Variants in LHFPL6 observed in about 807,000 individuals in gnomAD.
LHFPL6 encodes the protein LHFPL tetraspan subfamily member 6 protein.
A neutral mutation model predicts 20.6 loss-of-function variants in LHFPL6; 9 were observed. That is an observed-to-expected ratio of 0.44 (90% confidence interval 0.26 to 0.76). The LOEUF (loss-of-function observed/expected upper bound fraction) is 0.76, where lower values mean the gene tolerates loss of function less well. Among genes scored for constraint, LHFPL6 ranks in the 30% least tolerant of loss-of-function variants. The pLI is 0.20. For synonymous variants in LHFPL6, 105 were observed against 98.7 expected (o/e 1.06, Z -0.38); for missense variants, 218 against 253.5 (o/e 0.86, Z 0.95).
chr13:39,401,150 T>G (rs1870980346), intron 2 of LHFPL6, among the ~76,000 whole-genome samples: 1 of 152,206 alleles, frequency 6.6e-6, no homozygotes, highest in African/African-American at 2.4e-5. Context: ...AGTTCAACAA[T>G]TACATAACCC....
chr13:39,536,019 G>A (rs1391596563), intron 2 of LHFPL6, among the ~76,000 whole-genome samples: 1 of 152,122 alleles, frequency 6.6e-6, no homozygotes, highest in Non-Finnish European at 1.5e-5. Flanking sequence ...GGAAAAATGA[G>A]ACACACTAAC....
At chr13:39,430,188 C>G (rs939403869) in intron 2 of LHFPL6, among the ~76,000 whole-genome samples, 3 of 152,214 alleles carry the variant, frequency 2.0e-5, no homozygotes, top group Non-Finnish European at 4.4e-5. Context: ...TCATTACCCC[C>G]ACTGCTGAGA....
chr13:39,563,093 CACA>C, intron 2 of LHFPL6, among the ~76,000 whole-genome samples: 1 of 26,974 alleles, frequency 3.7e-5, no homozygotes, highest in Non-Finnish European at 6.1e-5. Context: ...ATACTAGAAA[CACA>C]CACACACACA....
intron 2 of LHFPL6, among the ~76,000 whole-genome samples, chr13:39,505,127 T>C (rs1927194): frequency 0.97 from 148,275 of 152,258 alleles, 72,311 homozygotes; most frequent in East Asian, 1. Context: ...TGGGAATTGA[T>C]GCAAACGCAA....
intron 2 of LHFPL6, among the ~76,000 whole-genome samples, chr13:39,544,742 A>C (rs764729119): frequency 6.6e-6 from 1 of 152,178 alleles, no homozygotes. Context: ...CTAAAATAGA[A>C]CTATCAATGG....
intron 3 of LHFPL6, among the ~76,000 whole-genome samples, chr13:39,347,098 A>C (rs1869425090): frequency 6.6e-6 from 1 of 151,764 alleles, no homozygotes; most frequent in Admixed American, 6.6e-5. Flanking sequence ...AAAAAAAAAA[A>C]AAAAGCCCCG....
chr13:39,480,574 GA>G (rs1052640493), intron 2 of LHFPL6, among the ~76,000 whole-genome samples: 2 of 152,126 alleles, frequency 1.3e-5, no homozygotes, highest in African/African-American at 4.8e-5. Context: ...AGGTCTTAGA[GA>G]AAATGCCATA....
At chr13:39,388,238 C>T (rs73453070) in intron 2 of LHFPL6, among the ~76,000 whole-genome samples, 14,579 of 152,166 alleles carry the variant, frequency 0.096, 738 homozygotes, top group African/African-American at 0.13. Context: ...CAAAATGGTG[C>T]CTTGATTCTC....
At chr13:39,428,445 G>A (rs1871700690) in intron 2 of LHFPL6, among the ~76,000 whole-genome samples, 1 of 152,070 alleles carries the variant, frequency 6.6e-6, no homozygotes, top group Non-Finnish European at 1.5e-5. Context: ...GTTTTTCAAG[G>A]AATTTTCCAC....
chr13:39,586,108 A>G (rs940617269), intron 2 of LHFPL6, among the ~76,000 whole-genome samples: 7 of 152,322 alleles, frequency 4.6e-5, no homozygotes, highest in Admixed American at 6.5e-5. Context: ...GGAAAAAAAG[A>G]AAACGCCAAA....
At chr13:39,479,044 TAGATAGATA>T (rs763726061) in intron 2 of LHFPL6, among the ~76,000 whole-genome samples, 9 of 148,284 alleles carry the variant, frequency 6.1e-5, no homozygotes, top group Non-Finnish European at 8.9e-5. Context: ...TATAGATAGA[TAGATAGATA>T]GATAGATAGA....
chr13:39,550,258 T>A (rs1418135022), intron 2 of LHFPL6, among the ~76,000 whole-genome samples: 1 of 151,968 alleles, frequency 6.6e-6, no homozygotes, highest in African/African-American at 2.4e-5. Flanking sequence ...TCAGAGCAGG[T>A]GGAAGGGTTG....
At chr13:39,600,749 T>C (rs1872910699) in intron 2 of LHFPL6, 83 bp downstream of exon 2, 2 of 1,322,298 alleles carry the variant, frequency 1.5e-6, no homozygotes, top group South Asian at 4.7e-5. Flanking sequence ...TCATTTATAA[T>C]AATCTCAGTA....
chr13:39,440,367 G>A (rs1872083369), intron 2 of LHFPL6, among the ~76,000 whole-genome samples: 1 of 152,154 alleles, frequency 6.6e-6, no homozygotes, highest in Admixed American at 6.6e-5. Context: ...GGTAGCTTAT[G>A]CCAGTAATTT....
chr13:39,451,034 T>G (rs1872431123), intron 2 of LHFPL6, among the ~76,000 whole-genome samples: 1 of 152,154 alleles, frequency 6.6e-6, no homozygotes, highest in African/African-American at 2.4e-5. Flanking sequence ...TAATACTAGG[T>G]AATATTTTAT....
At chr13:39,452,445 G>A (rs1872474331) in intron 2 of LHFPL6, among the ~76,000 whole-genome samples, 1 of 152,188 alleles carries the variant, frequency 6.6e-6, no homozygotes, top group South Asian at 2.1e-4. Context: ...AGGGAGGAGG[G>A]GGTCATACAT....
intron 3 of LHFPL6, among the ~76,000 whole-genome samples, chr13:39,361,757 G>T (rs553215800): frequency 6.6e-6 from 1 of 152,320 alleles, no homozygotes. Context: ...AATTCTGTAT[G>T]TAAAATATAT....
At chr13:39,471,562 C>G (rs1241994091) in intron 2 of LHFPL6, among the ~76,000 whole-genome samples, 1 of 152,210 alleles carries the variant, frequency 6.6e-6, no homozygotes, top group Admixed American at 6.5e-5. Context: ...CAAGGAATCT[C>G]TGCATACCTC....
intron 2 of LHFPL6, among the ~76,000 whole-genome samples, chr13:39,571,148 G>A (rs556574654): frequency 1.3e-3 from 192 of 152,286 alleles, no homozygotes; most frequent in Middle Eastern, 3.4e-3. Context: ...TATTGATAAT[G>A]ATAGGAGGCA....
Sources: allele counts gnomAD v4.1 joint callset (sites outside exome capture counted in the v4.1 genomes callset), GRCh38; gene constraint gnomAD v4.1.1; transcripts MANE v1.5; gene names NCBI Gene and HGNC (gene_info 2026-07-23, HGNC 2026-07-21).